GPC4: variants seen among roughly 807,000 people sequenced by gnomAD.
GPC4 encodes glypican 4, also known as glypican-4.
A neutral mutation model predicts 35.0 loss-of-function variants in GPC4; 10 were observed. That is an observed-to-expected ratio of 0.29 (90% CI 0.18 to 0.48). GPC4 has a LOEUF of 0.48. Ranked by LOEUF, GPC4 falls within the 20% of genes least tolerant of loss-of-function variation. The pLI, the probability that GPC4 is intolerant of heterozygous loss-of-function variation, is 0.99. For synonymous variants in GPC4, 167 were observed against 170.2 expected (o/e 0.98, Z 0.15); for missense variants, 322 against 451.3 (o/e 0.71, Z 2.60).
chrX:133,386,930 A>C (rs2068693660), intron 1 of GPC4, among the ~76,000 whole-genome samples: 1 of 111,628 alleles, frequency 9.0e-6, no homozygotes, highest in Non-Finnish European at 1.9e-5. Context: ...TTGAAGGAGG[A>C]GGCAGCCAGA....
At position 133,322,395 on chromosome X, in the gene GPC4, G is replaced by A. The variant is rs1176436787; in HGVS notation, c.711+1750C>T. On this transcript the variant is annotated intron_variant, in intron 3 of 8. Coordinates refer to ENST00000370828, the MANE Select transcript of GPC4 (RefSeq NM_001448.3). ...GGAGGTGGAGGTTGCGGTGAGCAGA[G>A]ATCTCGCCACTGCACTCAAGCCTGG... Among the ~76,000 whole-genome samples the A allele has an allele frequency of 3.8e-5, 4 of 103,999 alleles. No individual in the cohort carries two copies. In the Admixed American group the frequency reaches 4.2e-4, roughly 11 times the overall value. 90.3% of individuals were successfully genotyped at this position (103,999 alleles called of 115,157 possible).
intron 2 of GPC4, among the ~76,000 whole-genome samples, chrX:133,330,740 G>A (rs2068415902): frequency 9.1e-6 from 1 of 110,206 alleles, no homozygotes; most frequent in Admixed American, 9.7e-5. Context: ...TTGAAGCTAG[G>A]AGTTTTAGAC....
chrX:133,347,533 T>C lies in GPC4; in HGVS notation c.161-8192A>G, dbSNP rs775242888. On this transcript the variant is annotated intron_variant, in intron 1 of 8. Transcript: ENST00000370828. ...TCTAAAGCATTACCAAAATAGTTTC[T>C]GTTCATTTCTTAGATCTAAATTCAT... 2.7e-5 allele frequency among the ~76,000 whole-genome samples: 3 copies of C among 110,661 alleles called. No individual in the cohort carries two copies. In the South Asian group the frequency reaches 1.2e-3, roughly 43 times the overall value.
At chrX:133,384,190 G>A (rs751596169) in intron 1 of GPC4, among the ~76,000 whole-genome samples, 2 of 111,619 alleles carry the variant, frequency 1.8e-5, no homozygotes, top group Non-Finnish European at 3.8e-5. Flanking sequence ...TTGTAAAAAG[G>A]AGCCATACAG....
At chrX:133,321,176 G>A (rs1473711565) in intron 3 of GPC4, among the ~76,000 whole-genome samples, 1 of 112,293 alleles carries the variant, frequency 8.9e-6, no homozygotes, top group Non-Finnish European at 1.9e-5. Context: ...GGTTAATTCT[G>A]AGAACGACGT....
chrX:133,336,201 T>C (rs1380542959), intron 2 of GPC4, among the ~76,000 whole-genome samples: 1 of 111,783 alleles, frequency 8.9e-6, no homozygotes, highest in Non-Finnish European at 1.9e-5. Flanking sequence ...TCGGCAGGCA[T>C]TGAGAATTAC....
At chrX:133,371,727 T>C (rs1381944935) in intron 1 of GPC4, among the ~76,000 whole-genome samples, 1 of 111,932 alleles carries the variant, frequency 8.9e-6, no homozygotes, top group Admixed American at 9.5e-5. Flanking sequence ...TAACAAACCT[T>C]AGGCCATTAT....
intron 4 of GPC4, among the ~76,000 whole-genome samples, chrX:133,310,003 A>G (rs113869085): frequency 0.018 from 1,973 of 111,646 alleles, 51 homozygotes; most frequent in African/African-American, 0.06. Flanking sequence ...TGAGCTATTT[A>G]GGCTACAATT....
At chrX:133,305,727 C>G in intron 6 of GPC4, 45 bp downstream of exon 6, 1 of 1,198,095 alleles carries the variant, frequency 8.3e-7, no homozygotes, top group Non-Finnish European at 1.1e-6. Context: ...CAAGAGTTTT[C>G]AGTTCTTTGT....
chrX:133,353,219 A>T (rs1004500044), intron 1 of GPC4, among the ~76,000 whole-genome samples: 3 of 111,814 alleles, frequency 2.7e-5, no homozygotes, highest in Non-Finnish European at 3.8e-5. Flanking sequence ...GAACTAACCA[A>T]GAATGAAACG....
At chrX:133,337,101 G>T (rs187074149) in intron 2 of GPC4, among the ~76,000 whole-genome samples, 1 of 112,137 alleles carries the variant, frequency 8.9e-6, no homozygotes, top group African/African-American at 3.2e-5. Flanking sequence ...TTACAGGCAT[G>T]AACCACCATG....
intron 1 of GPC4, among the ~76,000 whole-genome samples, chrX:133,398,625 A>C (rs937691765): frequency 9.0e-6 from 1 of 110,539 alleles, no homozygotes; most frequent in Admixed American, 9.7e-5. Context: ...AAAATTAGCC[A>C]GGTGTGGTGG....
intron 2 of GPC4, among the ~76,000 whole-genome samples, chrX:133,327,144 A>G (rs1381820426): frequency 8.9e-6 from 1 of 112,489 alleles, no homozygotes; most frequent in East Asian, 2.8e-4. Flanking sequence ...CCTTCCTTAT[A>G]TTGAATTTTT....
chrX:133,368,527 C>T (rs1222955318), intron 1 of GPC4, among the ~76,000 whole-genome samples: 2 of 111,690 alleles, frequency 1.8e-5, no homozygotes, highest in Admixed American at 1.9e-4. Context: ...CATGACATAT[C>T]ATCTAAAAAT....
At chrX:133,349,186 C>CGCCA (rs1485915061) in intron 1 of GPC4, among the ~76,000 whole-genome samples, 1 of 111,964 alleles carries the variant, frequency 8.9e-6, no homozygotes, top group Non-Finnish European at 1.9e-5. Flanking sequence ...GAGGGCTAGC[C>CGCCA]GCCAGCACTT....
intron 1 of GPC4, among the ~76,000 whole-genome samples, chrX:133,348,764 T>G (rs1043751962): frequency 3.6e-5 from 4 of 112,406 alleles, no homozygotes; most frequent in Non-Finnish European, 7.5e-5. Flanking sequence ...TCAAGCTCTT[T>G]AAGAGAAAAA....
intron 1 of GPC4, among the ~76,000 whole-genome samples, chrX:133,406,139 G>A (rs1373448845): frequency 8.9e-6 from 1 of 112,208 alleles, no homozygotes; most frequent in East Asian, 2.8e-4. Context: ...TAAAGAAAAA[G>A]GGAAGAAATA....
At chrX:133,331,691 G>T (rs1331600024) in intron 2 of GPC4, among the ~76,000 whole-genome samples, 1 of 108,364 alleles carries the variant, frequency 9.2e-6, no homozygotes, top group Non-Finnish European at 1.9e-5. Context: ...AGAATCACTT[G>T]AAGTGGTTGA....
At chrX:133,382,424 C>CAAAAA (rs1284709655) in intron 1 of GPC4, among the ~76,000 whole-genome samples, 1 of 15,629 alleles carries the variant, frequency 6.4e-5, no homozygotes, top group African/African-American at 2.7e-4. Flanking sequence ...GACTCCGTCT[C>CAAAAA]AAAAAAAAAA....
Sources: gnomAD v4.1 joint callset for allele counts (sites outside exome capture counted in the v4.1 genomes callset) on GRCh38, gnomAD v4.1.1 for gene constraint, MANE v1.5 for transcripts, NCBI Gene and HGNC (gene_info 2026-07-23, HGNC 2026-07-21) for gene names.